Variants in FHIT observed in about 807,000 individuals in gnomAD.
The protein encoded by FHIT is fragile histidine triad diadenosine triphosphatase.
Under a neutral mutation model 17.9 loss-of-function variants are expected in FHIT, and 19 were observed. That is an observed-to-expected ratio of 1.06 (90% CI 0.74 to 1.56). The LOEUF (loss-of-function observed/expected upper bound fraction) is 1.56. Ranked by LOEUF, FHIT falls within the 40% of genes most tolerant of loss-of-function variation. FHIT has a pLI of 0.00. For missense variants in FHIT, 248 were observed against 189.2 expected, an observed-to-expected ratio of 1.31 and a Z score of -1.82; for synonymous variants, 81 against 69.7, an observed-to-expected ratio of 1.16 and a Z score of -0.81.
chr3:59,758,507 A>G (rs975535943), intron 8 of FHIT, among the ~76,000 whole-genome samples: 4 of 152,192 alleles, frequency 2.6e-5, no homozygotes, highest in Non-Finnish European at 4.4e-5. Context: ...TCTTACTGAG[A>G]GAAACTTATT....
At chr3:60,262,453 T>G (rs903987197) in intron 5 of FHIT, among the ~76,000 whole-genome samples, 1 of 151,888 alleles carries the variant, frequency 6.6e-6, no homozygotes, top group African/African-American at 2.4e-5. Context: ...AGGCAAAACA[T>G]CCCCACCCTT....
chr3:61,244,239 T>A (rs546782097), intron 1 of FHIT: 1 of 152,266 alleles, frequency 6.6e-6, no homozygotes, highest in South Asian at 2.1e-4. Context: ...GTTATCTGGA[T>A]GGGACCAGCC....
intron 5 of FHIT, among the ~76,000 whole-genome samples, chr3:60,471,428 A>C (rs1172611895): frequency 6.6e-6 from 1 of 152,132 alleles, no homozygotes; most frequent in African/African-American, 2.4e-5. Context: ...GCTGGTCTAA[A>C]TGCTCCCTCC....
At chr3:60,650,363 T>A (rs1425785554) in intron 4 of FHIT, among the ~76,000 whole-genome samples, 4 of 152,142 alleles carry the variant, frequency 2.6e-5, no homozygotes, top group African/African-American at 9.6e-5. Flanking sequence ...CCATTCAGCA[T>A]CCTCATTTTT....
chr3:60,631,849 G>C (rs534570237), intron 4 of FHIT, among the ~76,000 whole-genome samples: 31 of 152,072 alleles, frequency 2.0e-4, no homozygotes, highest in African/African-American at 7.2e-4. Context: ...AAATCACTTT[G>C]GGTAACACAG....
intron 5 of FHIT, among the ~76,000 whole-genome samples, chr3:60,397,131 T>C (rs1395650869): frequency 2.0e-5 from 3 of 152,196 alleles, no homozygotes; most frequent in African/African-American, 7.2e-5. Context: ...AAGGTAGTAT[T>C]CTCTCTACTC....
At position 60,251,855 on chromosome 3, in the gene FHIT, T is replaced by A. The variant is rs139048889; in HGVS notation, c.104-237703A>T. Among the ~76,000 whole-genome samples, 17 of 152,242 alleles carry A rather than the reference T, an allele frequency of 1.1e-4. No individual in the cohort carries two copies. The East Asian group carries it at 2.9e-3, about 26-fold the overall frequency. On this transcript the variant is annotated intron_variant, in intron 5 of 9. Coordinates refer to ENST00000492590, the MANE Select transcript of FHIT (RefSeq NM_002012.4). ...GTGCAAGACATGACAAACACAGCAG[T>A]CAGACAGATGTAGCCTCTTTGTTAT... is the stretch of plus-strand genomic sequence containing the variant.
At chr3:60,940,830 T>A (rs1395731183) in intron 3 of FHIT, among the ~76,000 whole-genome samples, 1 of 152,200 alleles carries the variant, frequency 6.6e-6, no homozygotes, top group African/African-American at 2.4e-5. Flanking sequence ...TTCACTCCAA[T>A]ATGTTGTGGG....
Position 59,766,859 on chromosome 3 carries a change from CT to C in FHIT, c.349-14539del, listed in dbSNP as rs1247705554. On this transcript the variant is annotated intron_variant, in intron 8 of 9. Transcript: ENST00000492590. ...TCCAAGCAATTTTGCTCCTTTCTCT[CT>C]TTTTGATTGATTTTGGCAATAACTC... 2.6e-5 allele frequency among the ~76,000 whole-genome samples: 4 copies of C among 152,278 alleles called. No homozygotes were observed. The East Asian group carries it at 7.7e-4, about 29-fold the overall frequency.
At chr3:60,586,472 C>T (rs782551011) in intron 4 of FHIT, among the ~76,000 whole-genome samples, 10 of 151,998 alleles carry the variant, frequency 6.6e-5, no homozygotes, top group Non-Finnish European at 1.3e-4. Flanking sequence ...ATCATTCAAC[C>T]CAGAAATCCC....
At chr3:60,125,707 C>T (rs905978691) in intron 5 of FHIT, among the ~76,000 whole-genome samples, 5 of 151,664 alleles carry the variant, frequency 3.3e-5, no homozygotes, top group Middle Eastern at 3.4e-3. Context: ...TATGTACACA[C>T]ACACGTATGT....
intron 5 of FHIT, among the ~76,000 whole-genome samples, chr3:60,131,855 T>C (rs1388068000): frequency 6.6e-6 from 1 of 152,262 alleles, no homozygotes; most frequent in African/African-American, 2.4e-5. Context: ...CATAGGTCCC[T>C]TCCTCACTTA....
chr3:59,988,362 T>C (rs898146292), intron 7 of FHIT, among the ~76,000 whole-genome samples: 13 of 152,112 alleles, frequency 8.5e-5, no homozygotes, highest in African/African-American at 3.1e-4. Context: ...TCTCACCTCT[T>C]ATGCCCTGGT....
At chr3:60,570,737 T>A (rs376984024) in intron 4 of FHIT, among the ~76,000 whole-genome samples, 202 of 132,454 alleles carry the variant, frequency 1.5e-3, no homozygotes, top group Non-Finnish European at 1.9e-3. Flanking sequence ...ATTAAAAAAT[T>A]AAAAAAAAAA....
intron 4 of FHIT, among the ~76,000 whole-genome samples, chr3:60,808,392 CT>C (rs1701469199): frequency 6.6e-6 from 1 of 152,032 alleles, no homozygotes; most frequent in East Asian, 1.9e-4. Flanking sequence ...ATTAAATATC[CT>C]TTAATTTTGA....
intron 3 of FHIT, among the ~76,000 whole-genome samples, chr3:60,905,408 T>C (rs1043508260): frequency 1.3e-5 from 2 of 152,216 alleles, no homozygotes; most frequent in Non-Finnish European, 2.9e-5. Context: ...ACAAACTATG[T>C]GTCTATTTCC....
In FHIT at chr3:60,545,387, T is replaced by C. The variant is rs138084864; in HGVS notation, c.-17-8408A>G. On this transcript the variant is annotated intron_variant, in intron 4 of 9. Coordinates refer to ENST00000492590, the MANE Select transcript of FHIT (RefSeq NM_002012.4). ...TGTATTTATTTCCTCTGATTTGTTT[T>C]CCTTTATTGTTTCTTTGGATTTACT... is the stretch of plus-strand genomic sequence containing the variant. 2.5e-4 allele frequency among the ~76,000 whole-genome samples: 38 copies of C among 152,332 alleles called. 1 individual carries two copies. The East Asian group carries it at 7.1e-3, about 29-fold the overall frequency.
chr3:60,273,194 G>GA (rs1233199793), intron 5 of FHIT, among the ~76,000 whole-genome samples: 3 of 152,248 alleles, frequency 2.0e-5, no homozygotes, highest in Admixed American at 2.0e-4. Flanking sequence ...GAGATTTGGG[G>GA]AATTCTCTAA....
chr3:61,039,387 C>T (rs1238447108), intron 3 of FHIT, among the ~76,000 whole-genome samples: 2 of 152,210 alleles, frequency 1.3e-5, no homozygotes, highest in Non-Finnish European at 2.9e-5. Context: ...GAAAGTCTTA[C>T]AATTCTTACC....
Sources: allele counts gnomAD v4.1 joint callset (sites outside exome capture counted in the v4.1 genomes callset), GRCh38; gene constraint gnomAD v4.1.1; transcripts MANE v1.5; gene names NCBI Gene and HGNC (gene_info 2026-07-23, HGNC 2026-07-21).